DPEP3: variants seen among roughly 807,000 people sequenced by gnomAD.
DPEP3 encodes the protein membrane-bound dipeptidase 3.
In DPEP3, 42 loss-of-function variants were observed where a neutral mutation model predicts 47.5. The ratio of observed to expected loss-of-function variants is 0.88; its 90% CI spans 0.69 to 1.14. The LOEUF (loss-of-function observed/expected upper bound fraction) is 1.14. Among genes scored for constraint, DPEP3 ranks in the 50% most tolerant of loss-of-function variants. The pLI, the probability that DPEP3 is intolerant of heterozygous loss-of-function variation, is 0.00. For synonymous variants in DPEP3, 276 were observed against 270.2 expected (o/e 1.02, Z -0.21); for missense variants, 560 against 635.0 (o/e 0.88, Z 1.27).
Position 67,979,630 on chromosome 16 carries a change from C to T in DPEP3, c.414+9G>A. ...CCATGCTGTGGCACCCTGTGTGTCC[C>T]TGTGGTACCTGGGCACCCACGAGGC... is the stretch of plus-strand genomic sequence containing the variant. On this transcript the variant is annotated intron_variant, in intron 2 of 9. Coordinates refer to ENST00000268793, the MANE Select transcript of DPEP3 (RefSeq NM_001370198.1). The T allele has an allele frequency of 2.5e-6, 4 of 1,613,416 alleles. No homozygotes were observed. The highest frequency in any genetic ancestry group is 1.1e-5 in the South Asian group (1 of 91,054).
In DPEP3 at chr16:67,980,413, G is replaced by A. The variant is rs757063157; in HGVS notation, c.-33C>T. ...GGGGGTCGGCCGCGGGAGCCTGGGA[G>A]GAGCAGGCGATGGGCAGAGGCCGAC... is the stretch of plus-strand genomic sequence containing the variant. On this transcript the variant is annotated 5_prime_UTR_variant, in exon 1 of 10. Coordinates refer to ENST00000268793, the MANE Select transcript of DPEP3 (RefSeq NM_001370198.1). 4.0e-6 allele frequency: 6 copies of A among 1,495,002 alleles called. No homozygotes were observed. The highest frequency in any genetic ancestry group is 5.3e-6 in the Non-Finnish European group (6 of 1,122,956). 92.6% of individuals were successfully genotyped at this position (1,495,002 alleles called of 1,614,324 possible). A position where few individuals can be genotyped will look rare whatever the true frequency, so the allele number is the denominator to read the frequency against.
rs2031255894 is a variant in DPEP3, at chr16:67,978,652, A to G, written c.415-26T>C. ...CTGAGGGTAGGTCAAGGGGTCCAGA[A>G]TGAGGCCAGGGCGGTCTTCAACCCC... On this transcript the variant is annotated intron_variant, in intron 2 of 9. Transcript: ENST00000268793. The surrounding 1 kb of genome is among the most constrained non-coding windows in gnomAD (Gnocchi z 4.4). 2 of 1,613,014 alleles carry G rather than the reference A, an allele frequency of 1.2e-6. No individual in the cohort carries two copies. The highest frequency in any genetic ancestry group is 1.7e-6 in the Non-Finnish European group (2 of 1,179,586).
intron 6 of DPEP3, 120 bp downstream of exon 6, chr16:67,977,530 TGGA>T: frequency 2.2e-6 from 3 of 1,337,768 alleles, no homozygotes; most frequent in Non-Finnish European, 3.1e-6. Context: ...GTTTCAGGGA[TGGA>T]GGAGGATTAA....
Position 67,978,075 on chromosome 16 carries a change from G to A in DPEP3, c.687-68C>T, listed in dbSNP as rs2031240107. The A allele has an allele frequency of 1.9e-6, 3 of 1,595,578 alleles. No homozygotes were observed. The highest frequency in any genetic ancestry group is 2.2e-5 in the East Asian group (1 of 44,744). On this transcript the variant is annotated intron_variant, in intron 4 of 9. Coordinates refer to ENST00000268793, the MANE Select transcript of DPEP3 (RefSeq NM_001370198.1). This position sits in a 1 kb window ranked among gnomAD's most constrained non-coding sequence, Gnocchi z 4.4. Reference sequence around the variant, plus strand: ...TGGGCCATCACAGCCTGGGGGCCCTGGCTCTATCCATCCATCCTGCTTCCA... The same window carrying A: ...TGGGCCATCACAGCCTGGGGGCCCTAGCTCTATCCATCCATCCTGCTTCCA...
Position 67,980,112 on chromosome 16 carries a change from C to T in DPEP3, c.269G>A (p.Ser90Asn). The stretch of plus-strand genomic sequence containing the variant: ...TACATACCCGTCCACGAGTGGGAAA[C>T]TCCGCATCAGGGCCTGCGCGCGACC... Reference protein sequence around the residue: ...LRGRAQALMRSFPLVDGHNDL... With the variant: ...LRGRAQALMRNFPLVDGHNDL... The change falls in exon 1 of 10, where the codon AGT becomes AAT. Residue 90 changes from serine (S) to asparagine (N), a missense_variant. Transcript: ENST00000268793. 1 of 1,611,954 alleles carries T rather than the reference C, an allele frequency of 6.2e-7. No homozygotes were observed. Among genetic ancestry groups the T allele is most frequent in the Non-Finnish European group, 8.5e-7 (1 of 1,179,162 alleles).
chr16:67,978,520 A>G lies in DPEP3; in HGVS notation c.521T>C (p.Leu174Pro), dbSNP rs2031251952. The G allele has an allele frequency of 1.2e-6, 2 of 1,613,974 alleles. No homozygotes were observed. Among genetic ancestry groups the G allele is most frequent in the Non-Finnish European group, 1.7e-6 (2 of 1,179,986 alleles). The change falls in exon 3 of 10, where the codon CTC becomes CCC. Residue 174 changes from leucine (L) to proline (P), a missense_variant. Physicochemically the swap from Leu to Pro is moderately conservative, Grantham distance 98. Coordinates refer to ENST00000268793, the MANE Select transcript of DPEP3 (RefSeq NM_001370198.1). This position sits in a 1 kb window ranked among gnomAD's most constrained non-coding sequence, Gnocchi z 4.4. The stretch of plus-strand genomic sequence containing the variant: ...ACCTTCAGCTGAGGTCACAAGCTCG[A>G]GTTCAGAGTAGGAGGCACACATGCG... ...IHRMCASYSE[L>P]ELVTSAEGLN...
intron 6 of DPEP3, 39 bp downstream of exon 6, chr16:67,977,614 T>C (rs2031225648): frequency 6.3e-7 from 1 of 1,584,584 alleles, no homozygotes; most frequent in Non-Finnish European, 8.6e-7. Context: ...AACCTTTGGA[T>C]AACACATGCC....
chr16:67,980,300 C>T lies in DPEP3; in HGVS notation c.81G>A (p.Leu27=). Residue 27 remains leucine, a synonymous_variant, in exon 1 of 10, where the codon CTG becomes CTA. Coordinates refer to ENST00000268793, the MANE Select transcript of DPEP3 (RefSeq NM_001370198.1). ...CGCGGGTTACGGGCTGCCGCAGCAG[C>T]AGCAGCAGTAGCAGGAGCAGCAGAC... ...LRRLLLLLLL[L]LLRQPVTRAE... The T allele has an allele frequency of 6.4e-7, 1 of 1,570,366 alleles. No individual in the cohort carries two copies. The highest frequency in any genetic ancestry group is 8.6e-7 in the Non-Finnish European group (1 of 1,159,634).
chr16:67,978,676 C>G lies in DPEP3; in HGVS notation c.415-50G>C, dbSNP rs1159213696. The stretch of plus-strand genomic sequence containing the variant: ...AATGAGGCCAGGGCGGTCTTCAACC[C>G]CCTAGGCCTGCCACTCCTGCCTCAG... On this transcript the variant is annotated intron_variant, in intron 2 of 9. Coordinates refer to ENST00000268793, the MANE Select transcript of DPEP3 (RefSeq NM_001370198.1). The surrounding 1 kb of genome is among the most constrained non-coding windows in gnomAD (Gnocchi z 4.4). The G allele has an allele frequency of 6.9e-6, 11 of 1,601,264 alleles. No individual in the cohort carries two copies. The highest frequency in any genetic ancestry group is 9.4e-6 in the Non-Finnish European group (11 of 1,172,794).
chr16:67,980,025 T>C (rs1362432932), intron 1 of DPEP3, 69 bp downstream of exon 1: 3 of 1,533,348 alleles, frequency 2.0e-6, no homozygotes, highest in East Asian at 4.5e-5. Context: ...CTTGATAGCA[T>C]GCTCAGAACC....
chr16:67,976,067 C>T, intron 9 of DPEP3, 26 bp downstream of exon 9: 1 of 1,614,068 alleles, frequency 6.2e-7, no homozygotes, highest in Non-Finnish European at 8.5e-7. Flanking sequence ...AACCACTGAA[C>T]CATCCTGTCC....
chr16:67,977,767 G>C lies in DPEP3; in HGVS notation c.819C>G (p.Thr273=), dbSNP rs2031231216. ...MMIDLSYASD[T]LIRRVLEVSQ... is the part of the protein sequence containing the mutation. The stretch of plus-strand genomic sequence containing the variant: ...ACACTTCCAGGACCCTTCTTATCAA[G>C]GTGTCCGATGCATAGGACAAATCTA... Residue 273 remains threonine, a synonymous_variant, in exon 6 of 10, where the codon ACC becomes ACG. Coordinates refer to ENST00000268793, the MANE Select transcript of DPEP3 (RefSeq NM_001370198.1). 1 of 1,613,850 alleles carries C rather than the reference G, an allele frequency of 6.2e-7. No individual in the cohort carries two copies. The highest frequency in any genetic ancestry group is 1.7e-5 in the Admixed American group (1 of 60,002).
In DPEP3 at chr16:67,976,259, A is replaced by G. The variant is rs2031194577; in HGVS notation, c.1095-31T>C. On this transcript the variant is annotated intron_variant, in intron 8 of 9. Transcript: ENST00000268793. ...TGGCCACCCACCAGCCAGCTGTGGG[A>G]CCTTAGCCCTGATCCTGGGTTGGGG... 3 of 1,611,932 alleles carry G rather than the reference A, an allele frequency of 1.9e-6. No individual in the cohort carries two copies. The East Asian group carries it at 6.7e-5, about 36-fold the overall frequency.
chr16:67,976,617 T>C, intron 8 of DPEP3, 83 bp downstream of exon 8: 2 of 1,331,306 alleles, frequency 1.5e-6, no homozygotes, highest in South Asian at 2.6e-5. Context: ...GAGGCCTGGA[T>C]GGGAGGACGT....
rs771795286 is a variant in DPEP3 at position 67,979,774 on chromosome 16, G to A, written c.288-9C>T. 95 of 1,613,402 alleles carry A rather than the reference G, an allele frequency of 5.9e-5. No individual in the cohort carries two copies. Among genetic ancestry groups the A allele is most frequent in the Non-Finnish European group, 7.4e-5 (87 of 1,179,782 alleles). ...GGGGCAGGTCATTGTGGCTGGGGGTGTGAAGGTCAGATGGAAACACCGCCT... is the reference window on the plus strand; with the variant it reads ...GGGGCAGGTCATTGTGGCTGGGGGTATGAAGGTCAGATGGAAACACCGCCT... On this transcript the variant is annotated splice_polypyrimidine_tract_variant and intron_variant, in intron 1 of 9. Transcript: ENST00000268793.
At chr16:67,977,169 T>C in intron 7 of DPEP3, 101 bp downstream of exon 7, 1 of 1,034,880 alleles carries the variant, frequency 9.7e-7, no homozygotes, top group Non-Finnish European at 1.5e-6. Flanking sequence ...TTGGGAGGTC[T>C]GCCCATTGCC....
chr16:67,979,287 CAGA>C (rs1233079347), intron 2 of DPEP3, among the ~76,000 whole-genome samples: 2 of 152,154 alleles, frequency 1.3e-5, no homozygotes, highest in African/African-American at 4.8e-5. Flanking sequence ...GCCTGGGCGA[CAGA>C]AGGAGACACT....
In DPEP3 at chr16:67,976,123, G is replaced by T; in HGVS notation, c.1200C>A (p.Asn400Lys). The T allele has an allele frequency of 6.2e-7, 1 of 1,614,206 alleles. No individual in the cohort carries two copies. The highest frequency in any genetic ancestry group is 2.2e-5 in the East Asian group (1 of 44,878). The change falls in exon 9 of 10, where the codon AAC becomes AAA. Residue 400 changes from asparagine (N) to lysine (K), a missense_variant. Transcript: ENST00000268793. ...CCACTTGTCTGAAGACCCGCAGCAG[G>T]TTTCCACGAAGGACACCTTGAAGCT... is the stretch of plus-strand genomic sequence containing the variant. ...EEELQGVLRG[N>K]LLRVFRQVEK... is the part of the protein sequence containing the mutation.
At chr16:67,979,073 G>A (rs539641138) in intron 2 of DPEP3, among the ~76,000 whole-genome samples, 10 of 152,226 alleles carry the variant, frequency 6.6e-5, no homozygotes, top group Non-Finnish European at 1.5e-4. Context: ...GGGAGGCCGA[G>A]GAGGGTGGAT....
Sources: gnomAD v4.1 joint callset for allele counts (sites outside exome capture counted in the v4.1 genomes callset) on GRCh38, gnomAD v4.1.1 for gene constraint, Gnocchi (gnomAD v3.1) non-coding constraint, MANE v1.5 for transcripts, NCBI Gene and HGNC (gene_info 2026-07-23, HGNC 2026-07-21) for gene names.